The following CNTNAP2 variants were observed in gnomAD, a reference collection of about 807,000 sequenced individuals.
The protein encoded by CNTNAP2 is contactin-associated protein-like 2.
CNTNAP2 carries 98 observed loss-of-function variants against 155.2 expected under a neutral mutation model. The observed-to-expected ratio is 0.63, with a 90% CI of 0.54 to 0.75. The LOEUF (loss-of-function observed/expected upper bound fraction) is 0.75, where lower values mean the gene tolerates loss of function less well. Ranked by LOEUF, CNTNAP2 falls within the 30% of genes least tolerant of loss-of-function variation. CNTNAP2 has a pLI of 0.00. For missense variants in CNTNAP2, 1,727 were observed against 1,688.1 expected, an observed-to-expected ratio of 1.02 and a Z score of -0.40; for synonymous variants, 651 against 631.2, an observed-to-expected ratio of 1.03 and a Z score of -0.47.
intron 4 of CNTNAP2, among the ~76,000 whole-genome samples, chr7:147,094,664 C>A (rs547951229): frequency 6.6e-6 from 1 of 151,916 alleles, no homozygotes; most frequent in African/African-American, 2.4e-5. Flanking sequence ...TCTCGGCCTC[C>A]GAAAGTGCTG....
At chr7:146,296,610 T>C (rs750444178) in intron 1 of CNTNAP2, among the ~76,000 whole-genome samples, 39 of 152,196 alleles carry the variant, frequency 2.6e-4, no homozygotes, top group Non-Finnish European at 4.0e-4. Flanking sequence ...GCCTGATAAG[T>C]GTTTGGATAT....
At chr7:147,568,618 T>C (rs1281831282) in intron 12 of CNTNAP2, among the ~76,000 whole-genome samples, 1 of 152,170 alleles carries the variant, frequency 6.6e-6, no homozygotes, top group African/African-American at 2.4e-5. Flanking sequence ...ATTTTTATGC[T>C]CCCTCTGAAA....
chr7:148,186,320 T>C (rs1249335956), intron 18 of CNTNAP2, among the ~76,000 whole-genome samples: 1 of 152,214 alleles, frequency 6.6e-6, no homozygotes, highest in Non-Finnish European at 1.5e-5. Context: ...TCACCTTTAT[T>C]TACAAAATGA....
intron 3 of CNTNAP2, among the ~76,000 whole-genome samples, chr7:146,942,013 C>G (rs1797067723): frequency 6.6e-6 from 1 of 151,960 alleles, no homozygotes; most frequent in South Asian, 2.1e-4. Context: ...CTTTGACCTT[C>G]CTGTACCTGG....
intron 9 of CNTNAP2, among the ~76,000 whole-genome samples, chr7:147,371,374 G>C (rs910649040): frequency 2.0e-5 from 3 of 152,094 alleles, no homozygotes; most frequent in Non-Finnish European, 4.4e-5. Flanking sequence ...TTTGTTTTAT[G>C]TACTACTATT....
At chr7:146,837,116 T>C (rs1803633111) in intron 2 of CNTNAP2, among the ~76,000 whole-genome samples, 1 of 152,166 alleles carries the variant, frequency 6.6e-6, no homozygotes, top group African/African-American at 2.4e-5. Context: ...GTTTATATAT[T>C]TCAACCATTA....
At chr7:148,326,332 C>A (rs1249972415) in intron 21 of CNTNAP2, among the ~76,000 whole-genome samples, 1 of 152,052 alleles carries the variant, frequency 6.6e-6, no homozygotes, top group East Asian at 1.9e-4. Flanking sequence ...GGTTATGGGT[C>A]CTGATGTTTT....
intron 14 of CNTNAP2, among the ~76,000 whole-genome samples, chr7:147,928,655 T>G (rs1800440509): frequency 1.3e-5 from 2 of 152,138 alleles, no homozygotes; most frequent in Admixed American, 6.5e-5. Flanking sequence ...TGTTTCCTGA[T>G]GTCAGCAACA....
chr7:147,510,560 T>G lies in CNTNAP2; in HGVS notation c.1777+24519T>G, dbSNP rs141473797. 3.0e-3 allele frequency among the ~76,000 whole-genome samples: 452 copies of G among 150,732 alleles called. 5 individuals are homozygous for G. Among genetic ancestry groups the G allele is most frequent in the African/African-American group, 0.011 (437 of 40,916 alleles). ...ACATTGAACATGTATTTGTGATTAC[T>G]ACAAATGGTTCCAAAAAAAAAAAAT... On this transcript the variant is annotated intron_variant, in intron 11 of 23. Transcript: ENST00000361727.
chr7:147,567,288 CAGG>C (rs1171474278), intron 12 of CNTNAP2, among the ~76,000 whole-genome samples: 5 of 152,212 alleles, frequency 3.3e-5, no homozygotes, highest in East Asian at 1.9e-4. Flanking sequence ...GCTGAGAAAT[CAGG>C]AGAAGGAAAA....
chr7:146,793,109 CA>C (rs1363483760), intron 2 of CNTNAP2, among the ~76,000 whole-genome samples: 1 of 152,092 alleles, frequency 6.6e-6, no homozygotes, highest in Non-Finnish European at 1.5e-5. Context: ...TTACATTTTT[CA>C]TACTAAATTT....
At chr7:146,398,187 T>TTTC (rs1554428135) in intron 1 of CNTNAP2, among the ~76,000 whole-genome samples, 1 of 145,256 alleles carries the variant, frequency 6.9e-6, no homozygotes, top group Non-Finnish European at 1.5e-5. Flanking sequence ...CCCCAAACTT[T>TTTC]TTTTTTTTTT....
chr7:146,400,035 C>A (rs73455018), intron 1 of CNTNAP2, among the ~76,000 whole-genome samples: 1,818 of 152,048 alleles, frequency 0.012, 47 homozygotes, highest in African/African-American at 0.042. Flanking sequence ...AGAAAAAGTC[C>A]AGTTTTGGTA....
intron 15 of CNTNAP2, among the ~76,000 whole-genome samples, chr7:148,052,462 G>C (rs1802912046): frequency 6.6e-6 from 1 of 151,702 alleles, no homozygotes; most frequent in African/African-American, 2.4e-5. Flanking sequence ...ATTTTATTTT[G>C]GTTTTGGTTT....
intron 1 of CNTNAP2, among the ~76,000 whole-genome samples, chr7:146,735,402 AC>A: frequency 6.6e-6 from 1 of 152,112 alleles, no homozygotes; most frequent in Non-Finnish European, 1.5e-5. Context: ...AAATACAAAA[AC>A]AACTAGCCAG....
In CNTNAP2 at chr7:146,199,721, A is replaced by G. The variant is rs544821091; in HGVS notation, c.97+82748A>G. ...GTCGACTTCATTCAGGTCAATAGAG[A>G]AATTAGAGAGGGTAGAAGGAAAAAA... On this transcript the variant is annotated intron_variant, in intron 1 of 23. Transcript: ENST00000361727. Among the ~76,000 whole-genome samples the G allele has an allele frequency of 3.9e-5, 6 of 152,280 alleles. 1 individual carries two copies.
intron 1 of CNTNAP2, among the ~76,000 whole-genome samples, chr7:146,170,758 TG>T (rs1186666106): frequency 6.6e-6 from 1 of 152,204 alleles, no homozygotes; most frequent in African/African-American, 2.4e-5. Flanking sequence ...CTGGGTATGG[TG>T]GCTCACACCT....
intron 1 of CNTNAP2, among the ~76,000 whole-genome samples, chr7:146,719,651 G>T (rs764826547): frequency 3.3e-5 from 5 of 151,792 alleles, no homozygotes; most frequent in Non-Finnish European, 7.4e-5. Flanking sequence ...TAATTGAAAA[G>T]GGATAATTTG....
intron 1 of CNTNAP2, among the ~76,000 whole-genome samples, chr7:146,179,922 T>C (rs1348783672): frequency 6.6e-6 from 1 of 152,172 alleles, no homozygotes; most frequent in East Asian, 1.9e-4. Flanking sequence ...CTTTAAACAA[T>C]ATGAAATGAT....
Sources: gnomAD v4.1 joint callset for allele counts (sites outside exome capture counted in the v4.1 genomes callset) on GRCh38, gnomAD v4.1.1 for gene constraint, MANE v1.5 for transcripts, NCBI Gene and HGNC (gene_info 2026-07-23, HGNC 2026-07-21) for gene names.